VOPP1: variants seen among roughly 807,000 people sequenced by gnomAD.
VOPP1 encodes the protein VOPP1 WW domain binding protein, also known as WW domain binding protein VOPP1.
VOPP1 carries 8 observed loss-of-function variants against 23.5 expected under a neutral mutation model. The ratio of observed to expected loss-of-function variants is 0.34; its 90% confidence interval spans 0.20 to 0.61. The LOEUF (loss-of-function observed/expected upper bound fraction) is 0.61, where lower values mean the gene tolerates loss of function less well. Ranked by LOEUF, VOPP1 falls within the 20% of genes least tolerant of loss-of-function variation. The pLI is 0.78. For synonymous variants in VOPP1, 83 were observed against 97.3 expected (o/e 0.85, Z 0.86); for missense variants, 174 against 238.1 (o/e 0.73, Z 1.77).
intron 1 of VOPP1, among the ~76,000 whole-genome samples, chr7:55,539,004 GT>G (rs1796976696): frequency 8.6e-6 from 1 of 116,064 alleles, no homozygotes; most frequent in Non-Finnish European, 1.6e-5. Context: ...GGAGGGAAAG[GT>G]TTCATTCCTT....
intron 1 of VOPP1, among the ~76,000 whole-genome samples, chr7:55,553,032 A>C (rs1036868069): frequency 1.5e-4 from 23 of 152,256 alleles, no homozygotes; most frequent in Non-Finnish European, 1.5e-4. Context: ...TCTGAGTTTC[A>C]GTGTTATTGC....
At chr7:55,475,923 A>G (rs1446289555) in intron 4 of VOPP1, among the ~76,000 whole-genome samples, 1 of 152,186 alleles carries the variant, frequency 6.6e-6, no homozygotes, top group Non-Finnish European at 1.5e-5. Context: ...GTGCCTCACC[A>G]AGGTCACGCT....
chr7:55,549,007 G>C (rs1185621237), intron 1 of VOPP1, among the ~76,000 whole-genome samples: 4 of 152,168 alleles, frequency 2.6e-5, no homozygotes, highest in African/African-American at 9.7e-5. Context: ...CCTGAGGGCA[G>C]ACCCACCTAT....
intron 1 of VOPP1, chr7:55,561,748 C>T (rs1379718991): frequency 3.5e-6 from 1 of 287,778 alleles, no homozygotes; most frequent in African/African-American, 3.1e-5. Context: ...TCCCCTCTTC[C>T]AAAAAAAAAA....
At chr7:55,449,237 C>G (rs539497172) in intron 4 of VOPP1, among the ~76,000 whole-genome samples, 129 of 152,326 alleles carry the variant, frequency 8.5e-4, no homozygotes, top group Non-Finnish European at 1.5e-3. Flanking sequence ...CAGGCGGTCC[C>G]GATCCCGCGG....
chr7:55,477,232 T>C (rs1792326081), intron 4 of VOPP1, among the ~76,000 whole-genome samples: 1 of 152,190 alleles, frequency 6.6e-6, no homozygotes, highest in South Asian at 2.1e-4. Flanking sequence ...TTGCCTAGTA[T>C]GGTATGATTT....
chr7:55,537,605 C>G, intron 1 of VOPP1: 1 of 1,535,582 alleles, frequency 6.5e-7, no homozygotes, highest in Non-Finnish European at 8.7e-7. Context: ...CTGGGTCACA[C>G]GCAGCCCTCC....
At chr7:55,494,950 A>C (rs1793848299) in intron 3 of VOPP1, among the ~76,000 whole-genome samples, 1 of 152,108 alleles carries the variant, frequency 6.6e-6, no homozygotes, top group South Asian at 2.1e-4. Context: ...AGGTTTTGGA[A>C]GCTTTCAAAG....
At chr7:55,445,629 C>T (rs1036336464) in intron 4 of VOPP1, among the ~76,000 whole-genome samples, 49 of 152,150 alleles carry the variant, frequency 3.2e-4, no homozygotes, top group Non-Finnish European at 3.4e-4. Context: ...TTTCTCAGGA[C>T]TCCAGGACTG....
chr7:55,463,146 C>T (rs940030242), intron 4 of VOPP1, among the ~76,000 whole-genome samples: 1 of 152,136 alleles, frequency 6.6e-6, no homozygotes, highest in Admixed American at 6.5e-5. Context: ...AAACATATGG[C>T]CTATCCTGGA....
At chr7:55,559,622 AT>A (rs1797918123) in intron 1 of VOPP1, among the ~76,000 whole-genome samples, 1 of 152,242 alleles carries the variant, frequency 6.6e-6, no homozygotes, top group South Asian at 2.1e-4. Context: ...TTCTCATGCA[AT>A]TCAGAAAGTC....
rs111337753 is a variant in VOPP1 at position 55,443,895 on chromosome 7, A to G, written n.418-7721T>C. ...TGACCTCAGGTGATCTGCCCGCCTC[A>G]GCCTCCCAAAGTGCTGGGATTACAT... On this transcript the variant is annotated intron_variant and non_coding_transcript_variant, in intron 4 of 4. Transcript: ENST00000462326. Among the ~76,000 whole-genome samples the G allele has an allele frequency of 9.8e-3, 1,497 of 152,264 alleles. 21 individuals are homozygous for G. The highest frequency in any genetic ancestry group is 0.033 in the African/African-American group (1,360 of 41,562).
chr7:55,492,344 G>A lies in VOPP1; in HGVS notation c.266C>T (p.Pro89Leu), dbSNP rs760304705. Residue 89 changes from proline to leucine, a missense_variant, in exon 4 of 5, where the codon CCG (proline) becomes CTG (leucine). Transcript: ENST00000285279. ...FFIRRRMYPP[P>L]LIEEPAFNVS... ...ATTGAAGGCTGGCTCCTCGATCAGC[G>A]GCGGGGGGTACATGCGCCTCCGGAT... The A allele has an allele frequency of 4.9e-5, 79 of 1,609,132 alleles. 1 individual carries two copies. The African/African-American group carries it at 5.1e-4, about 10-fold the overall frequency.
chr7:55,519,530 A>G (rs563559708), intron 2 of VOPP1, among the ~76,000 whole-genome samples: 1 of 149,464 alleles, frequency 6.7e-6, no homozygotes, highest in African/African-American at 2.6e-5. Context: ...AGGCGTACTG[A>G]TGAAAATTCA....
intron 3 of VOPP1, among the ~76,000 whole-genome samples, chr7:55,494,787 A>C (rs1176488980): frequency 6.6e-6 from 1 of 152,144 alleles, no homozygotes; most frequent in Non-Finnish European, 1.5e-5. Context: ...GAGAGAAACT[A>C]ACAAAGGGGC....
chr7:55,515,093 C>T (rs575215814), intron 2 of VOPP1, among the ~76,000 whole-genome samples: 9 of 152,286 alleles, frequency 5.9e-5, no homozygotes, highest in South Asian at 2.1e-4. Flanking sequence ...CCCAAGCCAC[C>T]GCCCTCTCTC....
intron 4 of VOPP1, among the ~76,000 whole-genome samples, chr7:55,491,231 T>C (rs1793544517): frequency 6.6e-6 from 1 of 152,268 alleles, no homozygotes; most frequent in African/African-American, 2.4e-5. Flanking sequence ...TAAGAACATA[T>C]ATTAACATAA....
At chr7:55,445,278 G>GACATACACAC (rs1562878712) in intron 4 of VOPP1, among the ~76,000 whole-genome samples, 9 of 65,172 alleles carry the variant, frequency 1.4e-4, no homozygotes, top group African/African-American at 2.0e-4. Context: ...TACACACACA[G>GACATACACAC]ACACACACAC....
chr7:55,496,102 G>C (rs183453439), intron 3 of VOPP1, among the ~76,000 whole-genome samples: 3 of 152,344 alleles, frequency 2.0e-5, no homozygotes, highest in African/African-American at 7.2e-5. Flanking sequence ...AGTTCAGCTG[G>C]ACTTTCTCAA....
Sources: gnomAD v4.1 joint callset for allele counts (sites outside exome capture counted in the v4.1 genomes callset) on GRCh38, gnomAD v4.1.1 for gene constraint, MANE v1.5 for transcripts, NCBI Gene and HGNC (gene_info 2026-07-23, HGNC 2026-07-21) for gene names.